RANBP2: variants seen among roughly 807,000 people sequenced by gnomAD.
The protein encoded by RANBP2 is E3 SUMO-protein ligase RanBP2.
RANBP2 carries 57 observed loss-of-function variants against 303.6 expected under a neutral mutation model. The observed-to-expected ratio is 0.19, with a 90% CI of 0.15 to 0.23. RANBP2 has a LOEUF of 0.23. Ranked by LOEUF, RANBP2 falls within the 10% of genes least tolerant of loss-of-function variation. The pLI is 1.00. For synonymous variants in RANBP2, 1,167 were observed against 1,301.5 expected (o/e 0.90, Z 2.23); for missense variants, 3,138 against 3,780.8 (o/e 0.83, Z 4.46).
the RANBP2 span, among the ~76,000 whole-genome samples, chr2:109,629,328 TATATATATATATATATATATATA>T: frequency 3.1e-3 from 41 of 13,100 alleles, no homozygotes; most frequent in African/African-American, 5.3e-3. Flanking sequence ...TATATATATA[TATATATATATATATATATATATA>T]TATATTTTTT....
chr2:109,549,601 TA>T, the RANBP2 span, among the ~76,000 whole-genome samples: 1 of 152,226 alleles, frequency 6.6e-6, no homozygotes, highest in Non-Finnish European at 1.5e-5. Context: ...TCTTTTGTGC[TA>T]TCAATAGTCA....
intron 28 of RANBP2, 26 bp downstream of exon 28, chr2:108,782,888 A>G: frequency 6.3e-7 from 1 of 1,577,132 alleles, no homozygotes; most frequent in Non-Finnish European, 8.7e-7. Context: ...TACATACCAC[A>G]ATTGAGGTCT....
chr2:108,931,036 A>G, the RANBP2 span: 1,763 of 1,613,886 alleles, frequency 1.1e-3, 15 homozygotes, highest in African/African-American at 0.021. Context: ...GGCTCACCTG[A>G]AAGACATGCG....
the RANBP2 span, among the ~76,000 whole-genome samples, chr2:108,953,227 T>A: frequency 6.6e-6 from 1 of 152,222 alleles, no homozygotes; most frequent in East Asian, 1.9e-4. Context: ...TCAGAATTGC[T>A]TATCCCTGTG....
At chr2:109,274,328 T>C in the RANBP2 span, among the ~76,000 whole-genome samples, 1 of 152,204 alleles carries the variant, frequency 6.6e-6, no homozygotes, top group African/African-American at 2.4e-5. Context: ...CAAACAAGTA[T>C]ACAAATGTTC....
At chr2:108,722,986 A>G (rs556287751) in intron 1 of RANBP2, among the ~76,000 whole-genome samples, 15 of 151,978 alleles carry the variant, frequency 9.9e-5, no homozygotes, top group South Asian at 2.1e-4. Context: ...TGTCAAGTTG[A>G]TTTCTTATTC....
At chr2:109,270,310 T>A in the RANBP2 span, among the ~76,000 whole-genome samples, 1 of 152,146 alleles carries the variant, frequency 6.6e-6, no homozygotes, top group African/African-American at 2.4e-5. Flanking sequence ...AGCAGCCCTG[T>A]TGGAGTGCCG....
chr2:109,222,368 T>G, the RANBP2 span, among the ~76,000 whole-genome samples: 1 of 152,228 alleles, frequency 6.6e-6, no homozygotes, highest in African/African-American at 2.4e-5. Flanking sequence ...AAAGAAATGA[T>G]AAAGATTTGA....
the RANBP2 span, among the ~76,000 whole-genome samples, chr2:108,852,553 A>G: frequency 1.3e-5 from 2 of 152,236 alleles, no homozygotes; most frequent in African/African-American, 2.4e-5. Context: ...CATATACACT[A>G]TGGAATACTA....
chr2:108,800,220 T>C, the RANBP2 span, among the ~76,000 whole-genome samples: 4 of 152,312 alleles, frequency 2.6e-5, no homozygotes, highest in African/African-American at 4.8e-5. Context: ...GAGAATATTA[T>C]TGATTTTAAA....
the RANBP2 span, among the ~76,000 whole-genome samples, chr2:109,739,836 G>A: frequency 6.7e-6 from 1 of 149,956 alleles, no homozygotes; most frequent in Non-Finnish European, 1.5e-5. Context: ...TCCTTATACA[G>A]TACAATACTA....
At chr2:109,195,039 G>A in the RANBP2 span, among the ~76,000 whole-genome samples, 1 of 152,150 alleles carries the variant, frequency 6.6e-6, no homozygotes, top group Non-Finnish European at 1.5e-5. Context: ...AAATGGAAGG[G>A]GAAGATGGTG....
the RANBP2 span, among the ~76,000 whole-genome samples, chr2:109,323,781 T>G: frequency 7.9e-4 from 120 of 152,378 alleles, no homozygotes; most frequent in African/African-American, 2.4e-3. Flanking sequence ...TAGATGTTAA[T>G]TATTTTTGTT....
the RANBP2 span, among the ~76,000 whole-genome samples, chr2:108,791,397 TA>T: frequency 6.6e-6 from 1 of 152,192 alleles, no homozygotes; most frequent in Non-Finnish European, 1.5e-5. Context: ...GGAGTCAAAA[TA>T]AAGTGTTCCT....
the RANBP2 span, among the ~76,000 whole-genome samples, chr2:108,901,710 TAAAC>T: frequency 2.6e-5 from 4 of 152,098 alleles, no homozygotes; most frequent in African/African-American, 4.8e-5. Context: ...TAGATGAAAA[TAAAC>T]AATTCCTCAA....
chr2:109,095,651 T>C, the RANBP2 span, among the ~76,000 whole-genome samples: 35 of 152,160 alleles, frequency 2.3e-4, no homozygotes, highest in Admixed American at 2.2e-3. Context: ...GGGCCATAAT[T>C]GGGGCCCATG....
At chr2:108,972,381 G>C in the RANBP2 span, among the ~76,000 whole-genome samples, 1 of 152,202 alleles carries the variant, frequency 6.6e-6, no homozygotes, top group Admixed American at 6.5e-5. Flanking sequence ...TGCATGGTGT[G>C]GTCTCCACTC....
At chr2:109,417,848 G>A in the RANBP2 span, among the ~76,000 whole-genome samples, 1 of 152,180 alleles carries the variant, frequency 6.6e-6, no homozygotes, top group Non-Finnish European at 1.5e-5. Context: ...GCAGGTAGGT[G>A]GCCGGCGGCA....
At chr2:109,270,610 G>T in the RANBP2 span, among the ~76,000 whole-genome samples, 1 of 152,192 alleles carries the variant, frequency 6.6e-6, no homozygotes, top group Non-Finnish European at 1.5e-5. Flanking sequence ...GAGGCCACGG[G>T]TGCAGGGCAT....
Sources: allele counts gnomAD v4.1 joint callset (sites outside exome capture counted in the v4.1 genomes callset), GRCh38; gene constraint gnomAD v4.1.1; transcripts MANE v1.5; gene names NCBI Gene and HGNC (gene_info 2026-07-23, HGNC 2026-07-21).